The following CRPPA variants were observed in gnomAD, a reference collection of about 807,000 sequenced individuals.
The protein encoded by CRPPA is D-ribitol-5-phosphate cytidylyltransferase.
Under a neutral mutation model 52.0 loss-of-function variants are expected in CRPPA, and 43 were observed. The observed-to-expected ratio is 0.83, with a 90% CI of 0.65 to 1.07. The LOEUF is 1.07. Among genes scored for constraint, CRPPA ranks in the 50% least tolerant of loss-of-function variants. CRPPA has a pLI of 0.00. For synonymous variants in CRPPA, 250 were observed against 203.5 expected, an observed-to-expected ratio of 1.23 and a Z score of -1.94; for missense variants, 629 against 551.7, an observed-to-expected ratio of 1.14 and a Z score of -1.40.
chr7:16,272,122 C>G (rs114038530), intron 6 of CRPPA, among the ~76,000 whole-genome samples: 2,693 of 152,230 alleles, frequency 0.018, 72 homozygotes, highest in African/African-American at 0.062. Flanking sequence ...CTGGTAAGGT[C>G]TGTGAAATAC....
intron 3 of CRPPA, among the ~76,000 whole-genome samples, chr7:16,368,210 T>A (rs1786659319): frequency 6.6e-6 from 1 of 152,228 alleles, no homozygotes; most frequent in South Asian, 2.1e-4. Context: ...TCAATAAGAA[T>A]CCACTGGACC....
chr7:16,378,234 A>C (rs985830665), intron 2 of CRPPA, among the ~76,000 whole-genome samples: 47 of 146,940 alleles, frequency 3.2e-4, no homozygotes, highest in Non-Finnish European at 6.0e-4. Flanking sequence ...AGCATTAGGT[A>C]TATCTCCTAA....
chr7:16,325,310 T>C (rs973192346), intron 3 of CRPPA, among the ~76,000 whole-genome samples: 1 of 152,264 alleles, frequency 6.6e-6, no homozygotes, highest in South Asian at 2.1e-4. Flanking sequence ...AACCATAGAT[T>C]AGACAGATTA....
intron 8 of CRPPA, among the ~76,000 whole-genome samples, chr7:16,231,242 T>C (rs141858220): frequency 5.4e-4 from 83 of 152,302 alleles, no homozygotes; most frequent in Middle Eastern, 6.8e-3. Context: ...GCATATTTTC[T>C]TACTACCATG....
At chr7:16,356,767 TC>T (rs1210824422) in intron 3 of CRPPA, among the ~76,000 whole-genome samples, 3 of 152,208 alleles carry the variant, frequency 2.0e-5, no homozygotes, top group Admixed American at 6.5e-5. Flanking sequence ...CTCTGCCATT[TC>T]CAACATCTGG....
intron 9 of CRPPA, among the ~76,000 whole-genome samples, chr7:16,107,161 C>A (rs1286235879): frequency 6.6e-6 from 1 of 151,710 alleles, no homozygotes; most frequent in Non-Finnish European, 1.5e-5. Flanking sequence ...TGGGGAACTG[C>A]AGACGGAATA....
At chr7:16,276,842 A>C (rs1784213118) in intron 6 of CRPPA, 1 of 152,226 alleles carries the variant, frequency 6.6e-6, no homozygotes, top group African/African-American at 2.4e-5. Flanking sequence ...TAAACTTTAA[A>C]TTAAAGCATA....
chr7:16,308,705 C>T, intron 3 of CRPPA, 78 bp from the exon 4 acceptor site: 1 of 862,450 alleles, frequency 1.2e-6, no homozygotes, highest in Non-Finnish European at 1.9e-6. Context: ...TTTCATAATC[C>T]ATTGCAAACA....
intron 9 of CRPPA, among the ~76,000 whole-genome samples, chr7:16,206,548 A>G (rs531119665): frequency 6.6e-6 from 1 of 151,792 alleles, no homozygotes; most frequent in Non-Finnish European, 1.5e-5. Context: ...GTTTTGAGCC[A>G]TAAGTACAAA....
intron 9 of CRPPA, among the ~76,000 whole-genome samples, chr7:16,096,716 G>A (rs62439473): frequency 0.028 from 4,209 of 152,114 alleles, 218 homozygotes; most frequent in Admixed American, 0.14. Context: ...CAAAGTACCA[G>A]GCTTATAGGT....
At position 16,376,117 on chromosome 7, in the gene CRPPA, T is replaced by C. The variant is rs769223335; in HGVS notation, c.659A>G (p.Asp220Gly). The stretch of plus-strand genomic sequence containing the variant: ...CTGCTGATATGCTTCATAAATCACA[T>C]CAAATAGAAAAGCTTGGGGCATTTC... ...ASEMPQAFLFDVIYEAYQQCS... is the reference protein window; with the variant it reads ...ASEMPQAFLFGVIYEAYQQCS... Residue 220 changes from aspartate to glycine, a missense_variant, in exon 3 of 10, where the codon GAT becomes GGT. Physicochemically the swap from Asp to Gly is moderately conservative, Grantham distance 94 (BLOSUM62 -1). Coordinates refer to ENST00000407010, the MANE Select transcript of CRPPA (RefSeq NM_001101426.4). The C allele has an allele frequency of 2.5e-6, 4 of 1,604,336 alleles. No homozygotes were observed. The highest frequency in any genetic ancestry group is 1.7e-4 in the Middle Eastern group (1 of 6,040).
At chr7:16,267,448 C>T (rs1394527889) in intron 6 of CRPPA, among the ~76,000 whole-genome samples, 5 of 152,180 alleles carry the variant, frequency 3.3e-5, no homozygotes, top group Non-Finnish European at 7.4e-5. Flanking sequence ...GCCTGGATCA[C>T]ACTTTGAGCC....
intron 2 of CRPPA, among the ~76,000 whole-genome samples, chr7:16,388,371 T>A (rs898844711): frequency 5.3e-5 from 8 of 151,378 alleles, no homozygotes; most frequent in African/African-American, 1.9e-4. Context: ...ACACAAACAA[T>A]ATGAAAATGT....
chr7:16,291,674 T>A (rs1784567706), intron 5 of CRPPA, among the ~76,000 whole-genome samples: 1 of 151,958 alleles, frequency 6.6e-6, no homozygotes, highest in Middle Eastern at 3.4e-3. Context: ...AATAGCCTAA[T>A]AGGTTGACTA....
intron 9 of CRPPA, among the ~76,000 whole-genome samples, chr7:16,110,288 T>C (rs550682363): frequency 1.8e-4 from 28 of 152,204 alleles, no homozygotes; most frequent in African/African-American, 6.3e-4. Context: ...CACTAATATA[T>C]AGAAAGATAT....
At chr7:16,215,298 T>C (rs1782273655) in intron 9 of CRPPA, among the ~76,000 whole-genome samples, 1 of 152,180 alleles carries the variant, frequency 6.6e-6, no homozygotes, top group African/African-American at 2.4e-5. Context: ...TCCAAGAAAC[T>C]CTAAAGTAGT....
At chr7:16,148,867 C>G (rs1194407148) in intron 9 of CRPPA, among the ~76,000 whole-genome samples, 1 of 152,112 alleles carries the variant, frequency 6.6e-6, no homozygotes, top group Admixed American at 6.6e-5. Flanking sequence ...GATGGATATG[C>G]TAATTGCCCT....
intron 9 of CRPPA, among the ~76,000 whole-genome samples, chr7:16,104,328 T>A (rs893573219): frequency 6.6e-6 from 1 of 152,150 alleles, no homozygotes; most frequent in African/African-American, 2.4e-5. Flanking sequence ...GATGGTAGAA[T>A]TATTGCCTAT....
chr7:16,106,886 T>C (rs1385993426), intron 9 of CRPPA, among the ~76,000 whole-genome samples: 1 of 151,904 alleles, frequency 6.6e-6, no homozygotes, highest in Non-Finnish European at 1.5e-5. Context: ...AGATAGGAAA[T>C]TTCATGGAAT....
Sources: allele counts gnomAD v4.1 joint callset (sites outside exome capture counted in the v4.1 genomes callset), GRCh38; gene constraint gnomAD v4.1.1; transcripts MANE v1.5; gene names NCBI Gene and HGNC (gene_info 2026-07-23, HGNC 2026-07-21).